The following METTL22 variants were observed in gnomAD, a reference collection of about 807,000 sequenced individuals.
METTL22 encodes the protein methyltransferase-like protein 22.
METTL22 carries 51 observed loss-of-function variants against 48.4 expected under a neutral mutation model. That is an observed-to-expected ratio of 1.05 (90% CI 0.84 to 1.33). The LOEUF (loss-of-function observed/expected upper bound fraction) is 1.33. Among genes scored for constraint, METTL22 ranks in the 40% most tolerant of loss-of-function variants. The probability of loss-of-function intolerance (pLI) is 0.00; values close to 1 mark genes in which losing one functional copy is unlikely to be tolerated. For synonymous variants in METTL22, 255 were observed against 214.1 expected (o/e 1.19, Z -1.67); for missense variants, 678 against 526.9 (o/e 1.29, Z -2.81).
chr16:8,625,929 C>G (rs1343395973), intron 2 of METTL22, 131 bp downstream of exon 2: 12 of 1,115,546 alleles, frequency 1.1e-5, no homozygotes, highest in African/African-American at 6.3e-5. Flanking sequence ...TTTAAGTGCC[C>G]TTTTTTTCTT....
intron 2 of METTL22, 93 bp from the exon 3 acceptor site, chr16:8,628,637 C>G: frequency 1.4e-6 from 2 of 1,479,428 alleles, no homozygotes; most frequent in Non-Finnish European, 1.8e-6. Context: ...AAAAATCTTT[C>G]CTATTGGTAA....
the METTL22 span, among the ~76,000 whole-genome samples, chr16:8,655,866 A>T: frequency 6.6e-6 from 1 of 152,218 alleles, no homozygotes; most frequent in South Asian, 2.1e-4. Flanking sequence ...TTTCTGAGGC[A>T]TTTGGGGGAT....
chr16:8,651,386 C>CAA (rs768911703), downstream of METTL22, among the ~76,000 whole-genome samples: 7 of 49,068 alleles, frequency 1.4e-4, no homozygotes, highest in African/African-American at 4.1e-4. Flanking sequence ...GACTCTGTCT[C>CAA]AAAAAAAAAA....
In METTL22 at chr16:8,628,925, A is replaced by T. The variant is rs201596260; in HGVS notation, c.329A>T (p.Glu110Val). 1.7e-5 allele frequency: 28 copies of T among 1,613,960 alleles called. No homozygotes were observed. The highest frequency in any genetic ancestry group is 2.3e-5 in the Non-Finnish European group (27 of 1,180,038). The stretch of plus-strand genomic sequence containing the variant: ...GCCGGGACTGACACCACTGGCCAGG[A>T]AGTGGCTGAAGCTCAGCTGGATGAG... ...LQAGTDTTGQ[E>V]VAEAQLDEDG... Residue 110 changes from glutamate (E) to valine (V), a missense_variant, in exon 3 of 11, where the codon GAA becomes GTA. By Grantham distance (121) the Glu-to-Val change is moderately radical. Coordinates refer to ENST00000381920, the MANE Select transcript of METTL22 (RefSeq NM_024109.4).
chr16:8,636,700 T>C (rs969369711), intron 5 of METTL22, among the ~76,000 whole-genome samples: 6 of 151,842 alleles, frequency 4.0e-5, no homozygotes, highest in African/African-American at 1.5e-4. Flanking sequence ...TCTTTGTATA[T>C]TGTCTAATAA....
the METTL22 span, among the ~76,000 whole-genome samples, chr16:8,666,254 G>A: frequency 6.6e-6 from 1 of 152,178 alleles, no homozygotes; most frequent in Non-Finnish European, 1.5e-5. Context: ...TTGCTCCACG[G>A]TGGGATAATC....
chr16:8,641,663 G>C (rs142521868), intron 7 of METTL22: 146 of 378,310 alleles, frequency 3.9e-4, no homozygotes, highest in Middle Eastern at 3.7e-3. Flanking sequence ...TTCCCTGTCA[G>C]ATGGCAGATG....
intron 10 of METTL22, 27 bp downstream of exon 10, chr16:8,644,752 G>A (rs375713724): frequency 2.6e-5 from 40 of 1,526,488 alleles, no homozygotes; most frequent in Middle Eastern, 2.1e-4. Context: ...AAGCAGGGCC[G>A]TTGGTTGCTT....
chr16:8,660,498 C>G, the METTL22 span, among the ~76,000 whole-genome samples: 4 of 151,848 alleles, frequency 2.6e-5, no homozygotes, highest in Non-Finnish European at 4.4e-5. Flanking sequence ...AATTTTATCT[C>G]CTCATTTTTC....
chr16:8,631,412 C>T (rs1445438365), intron 3 of METTL22: 1 of 152,196 alleles, frequency 6.6e-6, no homozygotes, highest in Non-Finnish European at 1.5e-5. Context: ...ATTCTGAGTC[C>T]CGTGCCTTCC....
At chr16:8,623,461 C>CT (rs1319718051) in intron 1 of METTL22, 1 of 152,190 alleles carries the variant, frequency 6.6e-6, no homozygotes, top group African/African-American at 2.4e-5. Flanking sequence ...CAGGACATCT[C>CT]TAAGTCCTGA....
Position 8,629,046 on chromosome 16 carries a change from A to C in METTL22, c.450A>C (p.Ala150=). The C allele has an allele frequency of 6.2e-7, 1 of 1,614,036 alleles. No homozygotes were observed. The change falls in exon 3 of 11, where the codon GCA becomes GCC. Residue 150 remains alanine, a synonymous_variant. Transcript: ENST00000381920. ...ACAAGGTACATCCCATGATTCTAGC[A>C]CAGGAAGAAGACGACGTCCTGGGAG... ...LRDKVHPMIL[A]QEEDDVLGEE...
At chr16:8,632,679 G>A (rs1044881014) in intron 3 of METTL22, among the ~76,000 whole-genome samples, 1 of 152,176 alleles carries the variant, frequency 6.6e-6, no homozygotes, top group African/African-American at 2.4e-5. Context: ...GCGCTGTCTG[G>A]TTAAACACTG....
chr16:8,639,448 C>T (rs1315655150), intron 6 of METTL22: 4 of 492,026 alleles, frequency 8.1e-6, no homozygotes, highest in African/African-American at 1.9e-5. Flanking sequence ...CCTTAGTTGA[C>T]CCGTCCAAGA....
intron 9 of METTL22, 66 bp from the exon 10 acceptor site, chr16:8,644,491 G>C: frequency 6.1e-6 from 9 of 1,472,786 alleles, no homozygotes; most frequent in Non-Finnish European, 8.2e-6. Context: ...AAGCAAGGTG[G>C]GCAGAAACAG....
the METTL22 span, among the ~76,000 whole-genome samples, chr16:8,656,556 G>C: frequency 4.6e-5 from 7 of 152,240 alleles, no homozygotes; most frequent in Non-Finnish European, 1.0e-4. Context: ...ACAGCTGTGT[G>C]GGCTGTGAAG....
At chr16:8,624,700 C>G (rs2055984097) in intron 1 of METTL22, among the ~76,000 whole-genome samples, 1 of 150,792 alleles carries the variant, frequency 6.6e-6, no homozygotes, top group South Asian at 2.1e-4. Flanking sequence ...ACCCTTGTCT[C>G]TACAAAAAAA....
Position 8,640,972 on chromosome 16 carries a change from G to GTCT in METTL22, c.773-159_773-158insTCT, listed in dbSNP as rs1491471874. ...TGGGTGGATGGCTGGCTGGCTGGCT[G>GTCT]GCTGGCTGGCTGTAAAGATGGAAGG... On this transcript the variant is annotated intron_variant, in intron 6 of 10. Coordinates refer to ENST00000381920, the MANE Select transcript of METTL22 (RefSeq NM_024109.4). Among the ~76,000 whole-genome samples the GTCT allele has an allele frequency of 8.0e-3, 996 of 124,780 alleles. 73 individuals carry two copies. Among genetic ancestry groups the GTCT allele is most frequent in the Middle Eastern group, 0.027 (7 of 258 alleles). 81.9% of individuals were successfully genotyped at this position (124,780 alleles called of 152,430 possible).
intron 6 of METTL22, among the ~76,000 whole-genome samples, chr16:8,640,205 G>A (rs972068526): frequency 6.6e-6 from 1 of 152,204 alleles, no homozygotes; most frequent in Admixed American, 6.5e-5. Flanking sequence ...AGTGCTCAGG[G>A]TACAGTAGGC....
Sources: gnomAD v4.1 joint callset for allele counts (sites outside exome capture counted in the v4.1 genomes callset) on GRCh38, gnomAD v4.1.1 for gene constraint, MANE v1.5 for transcripts, NCBI Gene and HGNC (gene_info 2026-07-23, HGNC 2026-07-21) for gene names.